Variants in CASD1 observed in about 807,000 individuals in gnomAD.
The protein encoded by CASD1 is CAS1 domain sialic acid O acetyltransferase 1, also known as N-acetylneuraminate (7)9-O-acetyltransferase.
A neutral mutation model predicts 100.0 loss-of-function variants in CASD1; 41 were observed. The ratio of observed to expected loss-of-function variants is 0.41; its 90% confidence interval spans 0.32 to 0.53. The LOEUF (loss-of-function observed/expected upper bound fraction) is 0.53. Ranked by LOEUF, CASD1 falls within the 20% of genes least tolerant of loss-of-function variation. The pLI is 0.25. For synonymous variants in CASD1, 321 were observed against 315.6 expected (o/e 1.02, Z -0.18); for missense variants, 774 against 948.7 (o/e 0.82, Z 2.42).
At chr7:94,540,505 T>C (rs994305914) in intron 10 of CASD1, among the ~76,000 whole-genome samples, 3 of 152,320 alleles carry the variant, frequency 2.0e-5, no homozygotes, top group South Asian at 2.1e-4. Context: ...ATTTGAAGTG[T>C]AGAAGTCAGA....
intron 3 of CASD1, among the ~76,000 whole-genome samples, chr7:94,525,528 C>T (rs1794519539): frequency 2.6e-5 from 4 of 151,972 alleles, no homozygotes; most frequent in African/African-American, 9.7e-5. Context: ...ATATATCAAA[C>T]ATTATATTAA....
chr7:94,524,868 G>T (rs1000563786), intron 3 of CASD1, among the ~76,000 whole-genome samples: 5 of 152,078 alleles, frequency 3.3e-5, no homozygotes, highest in Non-Finnish European at 5.9e-5. Context: ...ACAACTAAAT[G>T]TAACACTTGA....
chr7:94,629,947 T>C, the CASD1 span: 43 of 1,335,950 alleles, frequency 3.2e-5, no homozygotes, highest in Non-Finnish European at 4.1e-5. Flanking sequence ...TATGTAGACA[T>C]TTCTGGAAAA....
Position 94,552,437 on chromosome 7 carries a change from TG to T in CASD1, c.2034+11del. 1 of 1,578,170 alleles carries T rather than the reference TG, an allele frequency of 6.3e-7. No homozygotes were observed. Among genetic ancestry groups the T allele is most frequent in the East Asian group, 2.3e-5 (1 of 44,218 alleles). On this transcript the variant is annotated intron_variant, in intron 16 of 17. Coordinates refer to ENST00000297273, the MANE Select transcript of CASD1 (RefSeq NM_022900.5). ...TGTTTCTGTGGTACAGGTACTATCT[TG>T]ATTTAGAGAAATTTCTACATCTTAA...
At chr7:94,595,392 G>C in the CASD1 span, among the ~76,000 whole-genome samples, 1 of 152,106 alleles carries the variant, frequency 6.6e-6, no homozygotes, top group Non-Finnish European at 1.5e-5. Flanking sequence ...ATCCATGTCT[G>C]AATATTTCCG....
chr7:94,552,387 C>T lies in CASD1; in HGVS notation c.1994C>T (p.Ala665Val). ...TGGGCTAGCAGTTGTAAAAACAAAG[C>T]AGAGTGCAATGAACTCCATCCGTCT... ...SIWASSCKNKAECNELHPSVS... is the reference protein window; with the variant it reads ...SIWASSCKNKVECNELHPSVS... Residue 665 changes from alanine (A) to valine (V), a missense_variant, in exon 16 of 18, where the codon GCA becomes GTA. Ala to Val is a moderately conservative substitution (Grantham distance 64). Around this residue, in one of 5 missense-constraint regions of CASD1, gnomAD observed 175 missense variants for 206.9 expected, o/e 0.85. Transcript: ENST00000297273. 1 of 1,610,732 alleles carries T rather than the reference C, an allele frequency of 6.2e-7. No individual in the cohort carries two copies. Among genetic ancestry groups the T allele is most frequent in the Non-Finnish European group, 8.5e-7 (1 of 1,178,846 alleles).
intron 3 of CASD1, among the ~76,000 whole-genome samples, chr7:94,520,670 T>C (rs1794213845): frequency 6.6e-6 from 1 of 152,160 alleles, no homozygotes; most frequent in East Asian, 1.9e-4. Context: ...AAAAATACTG[T>C]TGATGGACTG....
At chr7:94,602,391 A>G in the CASD1 span, among the ~76,000 whole-genome samples, 1 of 152,170 alleles carries the variant, frequency 6.6e-6, no homozygotes, top group African/African-American at 2.4e-5. Flanking sequence ...AATGTGAGTA[A>G]TATGTTCTCC....
the CASD1 span, among the ~76,000 whole-genome samples, chr7:94,575,892 T>A: frequency 6.6e-6 from 1 of 152,236 alleles, no homozygotes; most frequent in African/African-American, 2.4e-5. Context: ...TACATTTTTC[T>A]TGCTGCTTTC....
In CASD1 at chr7:94,510,128, A is replaced by G. The variant is rs745417395; in HGVS notation, c.44A>G (p.His15Arg). 1.5e-4 allele frequency: 231 copies of G among 1,529,932 alleles called. 1 individual carries two copies. The highest frequency in any genetic ancestry group is 6.2e-5 in the Admixed American group (3 of 48,718). 94.8% of individuals were successfully genotyped at this position (1,529,932 alleles called of 1,614,324 possible). A position where few individuals can be genotyped will look rare whatever the true frequency, so the allele number is the denominator to read the frequency against. Residue 15 changes from histidine to arginine, a missense_variant, in exon 1 of 18, where the codon CAC (histidine) becomes CGC (arginine). Physicochemically the swap from His to Arg is conservative, Grantham distance 29. This residue lies in a region of CASD1 where 75 missense variants were observed against 60.9 expected (regional missense o/e 1.23). Transcript: ENST00000297273. Reference sequence around the variant, plus strand: ...AACCTGGGCAAGCGGGAGATCAACCACTACTTCAGCGTGAGGAGCGCCAAG... The same window carrying G: ...AACCTGGGCAAGCGGGAGATCAACCGCTACTTCAGCGTGAGGAGCGCCAAG... ...AYNLGKREIN[H>R]YFSVRSAKVL...
In CASD1 at chr7:94,533,360, C is replaced by T. The variant is rs537673362; in HGVS notation, c.504+111C>T. The T allele has an allele frequency of 6.0e-5, 47 of 783,860 alleles. No individual in the cohort carries two copies. The South Asian group carries it at 8.7e-4, about 15-fold the overall frequency. 48.6% of individuals were successfully genotyped at this position (783,860 alleles called of 1,614,324 possible). ...CTTGATTGTACCTAAATTTTTAATTCCTACTTCTATTATGATTAGATTGAT... is the reference window on the plus strand; with the variant it reads ...CTTGATTGTACCTAAATTTTTAATTTCTACTTCTATTATGATTAGATTGAT... On this transcript the variant is annotated intron_variant, in intron 6 of 17. Transcript: ENST00000297273.
Position 94,510,270 on chromosome 7 carries a change from G to C in CASD1, c.133+53G>C, listed in dbSNP as rs909676282. On this transcript the variant is annotated intron_variant, in intron 1 of 17. Transcript: ENST00000297273. ...CAGGCCGTGGGGGAGGCGGCGACGC[G>C]GCGGCTGGAGGCCGCCCCCATCGCC... 1.0e-4 allele frequency: 134 copies of C among 1,287,796 alleles called. No individual in the cohort carries two copies. In the East Asian group the frequency reaches 4.1e-3, roughly 40 times the overall value. 79.8% of individuals were successfully genotyped at this position (1,287,796 alleles called of 1,614,324 possible).
At chr7:94,598,535 C>A in the CASD1 span, 1 of 472,610 alleles carries the variant, frequency 2.1e-6, no homozygotes, top group Non-Finnish European at 3.8e-6. Flanking sequence ...GTGTCAATTT[C>A]TTAAATATTA....
At chr7:94,545,459 A>C in intron 11 of CASD1, 86 bp from the exon 12 acceptor site, 2 of 943,604 alleles carry the variant, frequency 2.1e-6, no homozygotes, top group African/African-American at 1.6e-5. Flanking sequence ...ATACTCTGTC[A>C]GAGAAAATCT....
At chr7:94,609,512 A>C in the CASD1 span, among the ~76,000 whole-genome samples, 1 of 152,224 alleles carries the variant, frequency 6.6e-6, no homozygotes, top group Non-Finnish European at 1.5e-5. Context: ...AGCCTGGGTG[A>C]CACAGTAAGA....
At chr7:94,513,781 T>C (rs1226403155) in intron 1 of CASD1, among the ~76,000 whole-genome samples, 1 of 152,226 alleles carries the variant, frequency 6.6e-6, no homozygotes, top group Non-Finnish European at 1.5e-5. Flanking sequence ...ATAAATAGAT[T>C]TCAAAGTCCT....
At chr7:94,536,671 G>A (rs1052720989) in intron 8 of CASD1, among the ~76,000 whole-genome samples, 1 of 150,968 alleles carries the variant, frequency 6.6e-6, no homozygotes, top group Non-Finnish European at 1.5e-5. Context: ...GGGCTAAAAG[G>A]ATGAGATTTT....
the CASD1 span, among the ~76,000 whole-genome samples, chr7:94,611,259 A>T: frequency 6.6e-6 from 1 of 152,206 alleles, no homozygotes; most frequent in Admixed American, 6.5e-5. Flanking sequence ...TCATCAACTT[A>T]TAAATGGATA....
the CASD1 span, chr7:94,603,293 T>C: frequency 3.1e-6 from 5 of 1,611,118 alleles, no homozygotes; most frequent in East Asian, 1.1e-4. Context: ...AACTTACCAA[T>C]GAAATTTTGC....
Sources: gnomAD v4.1 joint callset for allele counts (sites outside exome capture counted in the v4.1 genomes callset) on GRCh38, gnomAD v4.1.1 for gene constraint, gnomAD v4.1.1 regional missense constraint, MANE v1.5 for transcripts, NCBI Gene and HGNC (gene_info 2026-07-23, HGNC 2026-07-21) for gene names.